LRIG2: variants seen among roughly 807,000 people sequenced by gnomAD.
LRIG2 encodes leucine rich repeats and immunoglobulin like domains 2.
Under a neutral mutation model 107.8 loss-of-function variants are expected in LRIG2, and 93 were observed. The ratio of observed to expected loss-of-function variants is 0.86; its 90% CI spans 0.73 to 1.03. The LOEUF (loss-of-function observed/expected upper bound fraction) is 1.03. Ranked by LOEUF, LRIG2 falls within the 50% of genes least tolerant of loss-of-function variation. LRIG2 has a pLI of 0.00. For missense variants in LRIG2, 1,226 were observed against 1,296.0 expected (o/e 0.95, Z 0.83); for synonymous variants, 471 against 470.6 (o/e 1.00, Z -0.01).
At position 113,084,478 on chromosome 1, in the gene LRIG2, G is replaced by T. The variant is rs144358766; in HGVS notation, c.240-6840G>T. Among the ~76,000 whole-genome samples the T allele has an allele frequency of 9.2e-3, 1,407 of 152,178 alleles. 11 individuals carry two copies. The highest frequency in any genetic ancestry group is 0.015 in the Non-Finnish European group (1,051 of 68,002). On this transcript the variant is annotated intron_variant, in intron 1 of 17. Transcript: ENST00000361127. ...GATCCGCCCGCCTCGGCCTCCCAAA[G>T]TACTGGGATTACAGGCATGAGCCAC... is the stretch of plus-strand genomic sequence containing the variant.
intron 11 of LRIG2, among the ~76,000 whole-genome samples, chr1:113,100,870 C>T (rs904562982): frequency 9.2e-5 from 14 of 152,058 alleles, no homozygotes; most frequent in Non-Finnish European, 2.1e-4. Context: ...TTATAGTTTC[C>T]GAGGTGATTT....
chr1:113,084,103 A>G (rs1445417634), intron 1 of LRIG2, among the ~76,000 whole-genome samples: 1 of 150,438 alleles, frequency 6.6e-6, no homozygotes, highest in African/African-American at 2.4e-5. Flanking sequence ...AACTATCAAT[A>G]TTAATCTTCC....
chr1:113,087,914 A>G (rs1036417463), intron 1 of LRIG2, among the ~76,000 whole-genome samples: 11 of 152,204 alleles, frequency 7.2e-5, no homozygotes, highest in Non-Finnish European at 1.2e-4. Flanking sequence ...TTGGAAAAAG[A>G]AAAAGGTTAC....
chr1:113,129,691 T>C lies in LRIG2; in HGVS notation c.*5590T>C, dbSNP rs907436943. The C allele has an allele frequency of 1.2e-4, 18 of 152,252 alleles. No homozygotes were observed. The highest frequency in any genetic ancestry group is 9.2e-4 in the Admixed American group (14 of 15,278). The allele number at this position is 152,252 out of a possible 1,614,324, so 9.4% of individuals were successfully genotyped here. On this transcript the variant is annotated 3_prime_UTR_variant, in exon 18 of 18. Coordinates refer to ENST00000361127, the MANE Select transcript of LRIG2 (RefSeq NM_014813.3). ...ATGTCTGCCTAATGCTAATCAGGAA[T>C]GTTGCAAACTGAAATGCTCCTTTCC... is the stretch of plus-strand genomic sequence containing the variant.
At position 113,082,377 on chromosome 1, in the gene LRIG2, C is replaced by T. The variant is rs551587811; in HGVS notation, c.239+8732C>T. On this transcript the variant is annotated intron_variant, in intron 1 of 17. Transcript: ENST00000361127. ...TGGGCTTGGTTGTTACACAATTATA[C>T]CCTGGTGTATTAGTCTCTTGCACTG... Among the ~76,000 whole-genome samples the T allele has an allele frequency of 1.4e-3, 207 of 152,246 alleles. 2 individuals are homozygous for T. The highest frequency in any genetic ancestry group is 2.5e-3 in the Non-Finnish European group (171 of 68,018).
At chr1:113,077,340 C>T (rs537560743) in intron 1 of LRIG2, among the ~76,000 whole-genome samples, 125 of 152,108 alleles carry the variant, frequency 8.2e-4, no homozygotes, top group African/African-American at 2.6e-3. Context: ...AGGGGTTTTG[C>T]CATGTTGGCC....
chr1:113,122,075 CTTTTT>C (rs758568453), intron 17 of LRIG2, among the ~76,000 whole-genome samples: 1 of 87,056 alleles, frequency 1.1e-5, no homozygotes, highest in African/African-American at 4.6e-5. Context: ...TTAGGCTCAC[CTTTTT>C]TTTTTTTTTT....
intron 1 of LRIG2, among the ~76,000 whole-genome samples, chr1:113,082,758 A>G (rs993044228): frequency 2.0e-5 from 3 of 151,828 alleles, no homozygotes; most frequent in African/African-American, 7.3e-5. Flanking sequence ...GTTTCAAGCA[A>G]TTCTCCTGCC....
intron 1 of LRIG2, among the ~76,000 whole-genome samples, chr1:113,076,590 G>C (rs1347871265): frequency 2.0e-5 from 3 of 152,188 alleles, no homozygotes; most frequent in African/African-American, 7.2e-5. Flanking sequence ...ATTTTAAATT[G>C]AGAAATGAAA....
chr1:113,095,222 T>C (rs1216874530), intron 6 of LRIG2, among the ~76,000 whole-genome samples: 1 of 151,604 alleles, frequency 6.6e-6, no homozygotes, highest in Non-Finnish European at 1.5e-5. Context: ...CCACCCACCT[T>C]GGCCTCCCAA....
At position 113,112,728 on chromosome 1, in the gene LRIG2, G is replaced by T. The variant is rs1475899003; in HGVS notation, c.2048G>T (p.Gly683Val). The T allele has an allele frequency of 1.2e-6, 2 of 1,607,308 alleles. No individual in the cohort carries two copies. The highest frequency in any genetic ancestry group is 1.7e-6 in the Non-Finnish European group (2 of 1,174,118). ...TGCATGGCACAAAATACAGCAGGAGGTCTCTCAGCAAATGCTTCCCTAACA... is the reference window on the plus strand; with the variant it reads ...TGCATGGCACAAAATACAGCAGGAGTTCTCTCAGCAAATGCTTCCCTAACA... ...YSCMAQNTAG[G>V]LSANASLTVL... Residue 683 changes from glycine to valine, a missense_variant, in exon 14 of 18, where the codon GGT becomes GTT. Around this residue, in one of 3 missense-constraint regions of LRIG2, gnomAD observed 642 missense variants for 712.2 expected, o/e 0.90. Transcript: ENST00000361127.
At chr1:113,092,826 C>A (rs1653885385) in intron 2 of LRIG2, among the ~76,000 whole-genome samples, 1 of 151,952 alleles carries the variant, frequency 6.6e-6, no homozygotes, top group Non-Finnish European at 1.5e-5. Flanking sequence ...CCTGTCTCTA[C>A]TAAAAATACA....
At chr1:113,098,075 C>T (rs1218923749) in intron 8 of LRIG2, among the ~76,000 whole-genome samples, 1 of 152,072 alleles carries the variant, frequency 6.6e-6, no homozygotes, top group Admixed American at 6.6e-5. Context: ...ATTCTTTTAT[C>T]ATAACATGAT....
At position 113,116,278 on chromosome 1, in the gene LRIG2, CTT is replaced by C. The variant is rs774150706; in HGVS notation, c.2531-6_2531-5del. On this transcript the variant is annotated splice_polypyrimidine_tract_variant and splice_region_variant and intron_variant, in intron 15 of 17. Coordinates refer to ENST00000361127, the MANE Select transcript of LRIG2 (RefSeq NM_014813.3). ...CTACCTTTGAGAGTTAAAAATGTCT[CTT>C]TTACAGAGGAGCTCAATCTGCCTGC... is the stretch of plus-strand genomic sequence containing the variant. 1 of 1,607,910 alleles carries C rather than the reference CTT, an allele frequency of 6.2e-7. No individual in the cohort carries two copies. The highest frequency in any genetic ancestry group is 8.5e-7 in the Non-Finnish European group (1 of 1,176,542).
chr1:113,079,960 C>T (rs1219585184), intron 1 of LRIG2, among the ~76,000 whole-genome samples: 1 of 150,922 alleles, frequency 6.6e-6, no homozygotes, highest in African/African-American at 2.4e-5. Context: ...AAACTCCTTA[C>T]CTCGTGATCC....
intron 17 of LRIG2, among the ~76,000 whole-genome samples, chr1:113,122,671 G>A (rs1468826819): frequency 1.3e-5 from 2 of 152,158 alleles, no homozygotes; most frequent in Admixed American, 1.3e-4. Context: ...GCCCATTGGC[G>A]ATTTTTTATG....
At position 113,110,262 on chromosome 1, in the gene LRIG2, A is replaced by G; in HGVS notation, c.1498A>G (p.Ile500Val). Residue 500 changes from isoleucine (I) to valine (V), a missense_variant, in exon 13 of 18, where the codon ATA becomes GTA. Transcript: ENST00000361127. ...CTTAGATGATTTTCTCAAGCCACAG[A>G]TAAGGACACATCCTGAAACCATAAT... ...FVCDDFLKPQ[I>V]RTHPETIIAL... is the part of the protein sequence containing the mutation. 2 of 1,607,758 alleles carry G rather than the reference A, an allele frequency of 1.2e-6. No individual in the cohort carries two copies. Among genetic ancestry groups the G allele is most frequent in the Non-Finnish European group, 1.7e-6 (2 of 1,175,278 alleles).
At chr1:113,104,969 A>C (rs1301115376) in intron 11 of LRIG2, among the ~76,000 whole-genome samples, 1 of 152,054 alleles carries the variant, frequency 6.6e-6, no homozygotes, top group African/African-American at 2.4e-5. Context: ...AATATGGTGA[A>C]ACCCTGTCTC....
At position 113,114,729 on chromosome 1, in the gene LRIG2, A is replaced by G. The variant is rs1282782996; in HGVS notation, c.2383A>G (p.Ser795Gly). 5.6e-6 allele frequency: 9 copies of G among 1,614,086 alleles called. No individual in the cohort carries two copies. The East Asian group carries it at 1.8e-4, about 32-fold the overall frequency. Residue 795 changes from serine (S) to glycine (G), a missense_variant, in exon 15 of 18, where the codon AGC becomes GGC. Transcript: ENST00000361127. Reference protein sequence around the residue: ...SSPNCDSSQSSIGHEDDGWTT... With the variant: ...SSPNCDSSQSGIGHEDDGWTT... ...CCCCAATTGTGACTCTTCCCAGAGT[A>G]GCATTGGGCATGAAGATGATGGCTG...
Sources: allele counts gnomAD v4.1 joint callset (sites outside exome capture counted in the v4.1 genomes callset), GRCh38; gene constraint gnomAD v4.1.1; regional missense constraint gnomAD v4.1.1; transcripts MANE v1.5; gene names NCBI Gene and HGNC (gene_info 2026-07-23, HGNC 2026-07-21).